The following MEMO1 variants were observed in gnomAD, a reference collection of about 807,000 sequenced individuals.
MEMO1 encodes mediator of cell motility 1.
In MEMO1, 6 loss-of-function variants were observed where a neutral mutation model predicts 45.2. The ratio of observed to expected loss-of-function variants is 0.13; its 90% CI spans 0.07 to 0.26. The LOEUF is 0.26. Ranked by LOEUF, MEMO1 falls within the 10% of genes least tolerant of loss-of-function variation. MEMO1 has a pLI of 1.00. For missense variants in MEMO1, 184 were observed against 370.5 expected, an observed-to-expected ratio of 0.50 and a Z score of 4.13; for synonymous variants, 78 against 124.3, an observed-to-expected ratio of 0.63 and a Z score of 2.48.
At position 31,931,902 on chromosome 2, in the gene MEMO1, T is replaced by G. The variant is rs571374238; in HGVS notation, c.212+165A>C. On this transcript the variant is annotated intron_variant, in intron 4 of 9. Coordinates refer to ENST00000404530, the MANE Select transcript of MEMO1 (RefSeq NM_001301833.4). The stretch of plus-strand genomic sequence containing the variant: ...TCCAACAACAACAAAAAAGAAGTAT[T>G]GAAGTTTTCAGTAACCTATACAAAG... 2.4e-4 allele frequency among the ~76,000 whole-genome samples: 36 copies of G among 152,294 alleles called. No homozygotes were observed. In the Middle Eastern group the frequency reaches 0.014, roughly 58 times the overall value.
chr2:31,905,536 A>C (rs570980979), intron 6 of MEMO1, among the ~76,000 whole-genome samples: 2 of 152,334 alleles, frequency 1.3e-5, no homozygotes, highest in East Asian at 3.9e-4. Context: ...AAACTCAACC[A>C]TTTGAAGCTA....
intron 6 of MEMO1, among the ~76,000 whole-genome samples, chr2:31,894,447 A>T (rs1677436430): frequency 6.6e-6 from 1 of 152,222 alleles, no homozygotes; most frequent in Non-Finnish European, 1.5e-5. Context: ...GTGAGCCAGA[A>T]ACCTGAGGAC....
chr2:31,931,930 T>C (rs889058700), intron 4 of MEMO1, 137 bp downstream of exon 4: 1 of 663,278 alleles, frequency 1.5e-6, no homozygotes, highest in Non-Finnish European at 2.6e-6. Context: ...ATACAAAGTA[T>C]AGTAAAATTC....
intron 2 of MEMO1, among the ~76,000 whole-genome samples, chr2:31,983,518 T>G (rs1471001217): frequency 6.6e-6 from 1 of 151,992 alleles, no homozygotes; most frequent in African/African-American, 2.4e-5. Context: ...CACTGCGACA[T>G]CCGCCTTCCG....
chr2:31,959,998 G>A (rs1667825311), intron 2 of MEMO1, among the ~76,000 whole-genome samples: 1 of 152,144 alleles, frequency 6.6e-6, no homozygotes, highest in Admixed American at 6.5e-5. Flanking sequence ...CAGGAGGGCG[G>A]ATCACTTGAG....
intron 2 of MEMO1, among the ~76,000 whole-genome samples, chr2:31,987,987 G>C (rs1248729900): frequency 6.6e-6 from 1 of 152,110 alleles, no homozygotes; most frequent in African/African-American, 2.4e-5. Flanking sequence ...TGTAATTAAT[G>C]GAAGGAGTAT....
At position 31,935,411 on chromosome 2, in the gene MEMO1, A is replaced by C. The variant is rs79671193; in HGVS notation, c.144-3276T>G. 1.8e-4 allele frequency among the ~76,000 whole-genome samples: 27 copies of C among 152,332 alleles called. 1 individual carries two copies. In the East Asian group the frequency reaches 4.8e-3, roughly 27 times the overall value. On this transcript the variant is annotated intron_variant, in intron 3 of 9. Transcript: ENST00000404530. ...AAGGTAAATACATGATTAATAATGG[A>C]ACTCAGATTTCGTGGTTTCAGTCCA...
intron 3 of MEMO1, among the ~76,000 whole-genome samples, chr2:31,941,474 C>A (rs771789408): frequency 2.6e-5 from 4 of 152,136 alleles, no homozygotes; most frequent in Non-Finnish European, 5.9e-5. Flanking sequence ...CCATCAGCAC[C>A]TGACATAGAA....
chr2:31,930,669 C>T (rs1217050346), intron 4 of MEMO1, among the ~76,000 whole-genome samples: 3 of 151,866 alleles, frequency 2.0e-5, no homozygotes, highest in Non-Finnish European at 2.9e-5. Flanking sequence ...TTTTTTGAAA[C>T]GCAGTCTTGC....
At chr2:31,964,087 T>C (rs1668328530) in intron 2 of MEMO1, among the ~76,000 whole-genome samples, 1 of 152,226 alleles carries the variant, frequency 6.6e-6, no homozygotes, top group South Asian at 2.1e-4. Context: ...CTTAAATTTA[T>C]GGCTTACGTT....
intron 2 of MEMO1, among the ~76,000 whole-genome samples, chr2:31,999,051 A>G (rs1269064191): frequency 6.6e-6 from 1 of 152,222 alleles, no homozygotes; most frequent in African/African-American, 2.4e-5. Context: ...AGAGATAACC[A>G]TGACTCCTTT....
intron 6 of MEMO1, among the ~76,000 whole-genome samples, chr2:31,904,194 A>G (rs563674495): frequency 3.2e-4 from 49 of 152,330 alleles, no homozygotes; most frequent in Non-Finnish European, 4.6e-4. Context: ...GCCTGTTTGT[A>G]AGACTGGTCC....
intron 7 of MEMO1, among the ~76,000 whole-genome samples, chr2:31,884,662 T>C (rs1235888692): frequency 2.0e-5 from 3 of 152,256 alleles, no homozygotes; most frequent in Admixed American, 6.5e-5. Context: ...CATTTGTTGA[T>C]ACTGATCACC....
Position 32,010,082 on chromosome 2 carries a change from C to G in MEMO1, c.61+105G>C, listed in dbSNP as rs551306824. ...GCGCCCGGCGGCCCGTCCGCGCCCT[C>G]TTCCCCGCCCGCCGCCGCCGCGGGG... is the stretch of plus-strand genomic sequence containing the variant. On this transcript the variant is annotated intron_variant, in intron 2 of 9. Transcript: ENST00000404530. The G allele has an allele frequency of 6.2e-5, 31 of 501,878 alleles. No individual in the cohort carries two copies. The East Asian group carries it at 4.6e-3, about 74-fold the overall frequency. 31.1% of individuals were successfully genotyped at this position (501,878 alleles called of 1,614,324 possible).
chr2:31,958,026 C>T (rs1667596394), intron 2 of MEMO1, among the ~76,000 whole-genome samples: 1 of 152,046 alleles, frequency 6.6e-6, no homozygotes, highest in South Asian at 2.1e-4. Context: ...TATAACTGGC[C>T]AAGAAACATG....
chr2:31,988,442 G>C (rs1262219268), intron 2 of MEMO1, among the ~76,000 whole-genome samples: 1 of 152,168 alleles, frequency 6.6e-6, no homozygotes, highest in Admixed American at 6.5e-5. Flanking sequence ...AGCTACTCAG[G>C]AGGCTGAGGC....
intron 3 of MEMO1, among the ~76,000 whole-genome samples, chr2:31,942,138 T>C (rs1285221555): frequency 1.3e-5 from 2 of 152,216 alleles, no homozygotes; most frequent in Non-Finnish European, 2.9e-5. Flanking sequence ...ATTCATATCA[T>C]ACACAGACAC....
At chr2:31,981,760 C>T (rs1670663560) in intron 2 of MEMO1, among the ~76,000 whole-genome samples, 1 of 152,114 alleles carries the variant, frequency 6.6e-6, no homozygotes, top group Admixed American at 6.5e-5. Flanking sequence ...AAACCAACAA[C>T]CAGGGGGAAA....
In MEMO1 at chr2:31,981,150, C is replaced by G. The variant is rs556126963; in HGVS notation, c.61+29037G>C. On this transcript the variant is annotated intron_variant, in intron 2 of 9. Coordinates refer to ENST00000404530, the MANE Select transcript of MEMO1 (RefSeq NM_001301833.4). ...AGAAGAAAACAGACAATCCCCATTA[C>G]TAAAGAAGACTGACTGACTGAACAG... Among the ~76,000 whole-genome samples the G allele has an allele frequency of 2.6e-5, 4 of 152,330 alleles. No individual in the cohort carries two copies. In the East Asian group the frequency reaches 7.7e-4, roughly 29 times the overall value.
Sources: gnomAD v4.1 joint callset for allele counts (sites outside exome capture counted in the v4.1 genomes callset) on GRCh38, gnomAD v4.1.1 for gene constraint, MANE v1.5 for transcripts, NCBI Gene and HGNC (gene_info 2026-07-23, HGNC 2026-07-21) for gene names.